Variants in SELENOF observed in about 807,000 individuals in gnomAD.
SELENOF encodes the protein selenoprotein F.
SELENOF carries 16 observed loss-of-function variants against 20.5 expected under a neutral mutation model. That is an observed-to-expected ratio of 0.78 (90% CI 0.53 to 1.19). The LOEUF is 1.19. SELENOF is among the 50% of genes most tolerant of loss of function. The pLI, the probability that SELENOF is intolerant of heterozygous loss-of-function variation, is 0.00. For missense variants in SELENOF, 215 were observed against 194.2 expected (o/e 1.11, Z -0.64); for synonymous variants, 78 against 74.5 (o/e 1.05, Z -0.24).
intron 3 of SELENOF, among the ~76,000 whole-genome samples, chr1:86,869,101 G>A (rs755610916): frequency 1.5e-4 from 23 of 152,230 alleles, no homozygotes; most frequent in Admixed American, 6.5e-5. Context: ...GGTTAGAGAG[G>A]GAACAGGGAC....
chr1:86,900,234 G>A (rs1346648937), intron 2 of SELENOF, among the ~76,000 whole-genome samples: 2 of 152,116 alleles, frequency 1.3e-5, no homozygotes, highest in East Asian at 1.9e-4. Flanking sequence ...GGCCAAGGCA[G>A]GCGGCTGGGA....
At chr1:86,891,281 T>G (rs1260143106) in intron 2 of SELENOF, among the ~76,000 whole-genome samples, 1 of 151,982 alleles carries the variant, frequency 6.6e-6, no homozygotes, top group Non-Finnish European at 1.5e-5. Flanking sequence ...ACTCCCGACC[T>G]CAGGTGATCT....
intron 3 of SELENOF, among the ~76,000 whole-genome samples, chr1:86,877,497 A>G (rs1658952419): frequency 6.6e-6 from 1 of 152,220 alleles, no homozygotes; most frequent in Non-Finnish European, 1.5e-5. Context: ...ATAGAATGAC[A>G]TATCTTGGGG....
At chr1:86,866,855 G>C (rs538817401) in intron 4 of SELENOF, among the ~76,000 whole-genome samples, 1 of 152,178 alleles carries the variant, frequency 6.6e-6, no homozygotes, top group South Asian at 2.1e-4. Context: ...TCACTGCTAG[G>C]GCAAATGCAA....
At chr1:86,912,329 T>C (rs1197889366) in intron 1 of SELENOF, among the ~76,000 whole-genome samples, 1 of 152,200 alleles carries the variant, frequency 6.6e-6, no homozygotes, top group East Asian at 1.9e-4. Flanking sequence ...AATTTCTAGT[T>C]TGGATTCTGT....
chr1:86,885,568 A>G (rs1216330071), intron 2 of SELENOF, among the ~76,000 whole-genome samples: 1 of 152,218 alleles, frequency 6.6e-6, no homozygotes, highest in Non-Finnish European at 1.5e-5. Flanking sequence ...TGTCCAAGTC[A>G]GAAATACTCT....
chr1:86,905,584 A>G (rs1659808221), intron 1 of SELENOF, among the ~76,000 whole-genome samples: 1 of 152,144 alleles, frequency 6.6e-6, no homozygotes, highest in Non-Finnish European at 1.5e-5. Context: ...CTGACTCCTC[A>G]ACAATACTAT....
Position 86,907,997 on chromosome 1 carries a change from AC to A in SELENOF, c.85-4550del, listed in dbSNP as rs1446177700. ...GTGAATCGCCATCTCAAAAAAAAAA[AC>A]AAAAAAAAAAACCAAGGCTCTATTC... On this transcript the variant is annotated intron_variant, in intron 1 of 4. Coordinates refer to ENST00000331835, the MANE Select transcript of SELENOF (RefSeq NM_004261.5). Among the ~76,000 whole-genome samples, 1,354 of 141,868 alleles carry A rather than the reference AC, an allele frequency of 9.5e-3. 22 individuals are homozygous for A. Among genetic ancestry groups the A allele is most frequent in the African/African-American group, 0.038 (1,310 of 34,830 alleles). 93.1% of individuals were successfully genotyped at this position (141,868 alleles called of 152,430 possible). A position where few individuals can be genotyped will look rare whatever the true frequency, so the allele number is the denominator to read the frequency against.
chr1:86,912,876 G>C (rs1356702967), intron 1 of SELENOF, among the ~76,000 whole-genome samples: 1 of 152,000 alleles, frequency 6.6e-6, no homozygotes, highest in African/African-American at 2.4e-5. Context: ...CGGTTACACA[G>C]CTATAGACAA....
intron 2 of SELENOF, among the ~76,000 whole-genome samples, chr1:86,888,179 G>A (rs888120437): frequency 6.6e-6 from 1 of 151,808 alleles, no homozygotes; most frequent in Non-Finnish European, 1.5e-5. Flanking sequence ...AGAATCACTT[G>A]GACCTGGGAG....
At chr1:86,897,304 G>A (rs554145754) in intron 2 of SELENOF, among the ~76,000 whole-genome samples, 2 of 152,086 alleles carry the variant, frequency 1.3e-5, no homozygotes, top group South Asian at 4.1e-4. Flanking sequence ...GGGAGGGGTG[G>A]AAAAAAATCC....
At chr1:86,865,313 A>T (rs1658564751) in intron 4 of SELENOF, among the ~76,000 whole-genome samples, 1 of 152,230 alleles carries the variant, frequency 6.6e-6, no homozygotes, top group Admixed American at 6.5e-5. Context: ...ACTTCAGTGC[A>T]TCAAATGAAA....
At chr1:86,874,307 A>G (rs544588929) in intron 3 of SELENOF, among the ~76,000 whole-genome samples, 174 of 152,300 alleles carry the variant, frequency 1.1e-3, no homozygotes, top group African/African-American at 4.0e-3. Context: ...CAATCACTCT[A>G]ATTTCCAGAA....
chr1:86,900,108 G>A (rs1659651921), intron 2 of SELENOF, among the ~76,000 whole-genome samples: 1 of 151,380 alleles, frequency 6.6e-6, no homozygotes, highest in African/African-American at 2.4e-5. Context: ...TCCAGACTGG[G>A]CAGCCAGGCA....
At chr1:86,883,466 G>C (rs1659131018) in intron 2 of SELENOF, among the ~76,000 whole-genome samples, 1 of 151,484 alleles carries the variant, frequency 6.6e-6, no homozygotes, top group South Asian at 2.2e-4. Flanking sequence ...ATAGTGTATA[G>C]TGTATGTACA....
intron 3 of SELENOF, among the ~76,000 whole-genome samples, chr1:86,869,527 TC>T (rs989567682): frequency 3.3e-5 from 5 of 152,274 alleles, no homozygotes; most frequent in Non-Finnish European, 7.4e-5. Context: ...ATAAAGTGGT[TC>T]AAAAAATGTT....
chr1:86,864,697 C>T (rs981320082), intron 4 of SELENOF, among the ~76,000 whole-genome samples: 11 of 149,780 alleles, frequency 7.3e-5, no homozygotes, highest in Non-Finnish European at 1.3e-4. Context: ...AGTGCAATGG[C>T]GTGATCTCGG....
At chr1:86,898,420 T>G (rs547653911) in intron 2 of SELENOF, among the ~76,000 whole-genome samples, 2 of 152,286 alleles carry the variant, frequency 1.3e-5, no homozygotes, top group African/African-American at 4.8e-5. Context: ...AAATTCAGTT[T>G]GTTGAAAAAG....
At position 86,892,967 on chromosome 1, in the gene SELENOF, TCTTA is replaced by T. The variant is rs370624443; in HGVS notation, c.252+10310_252+10313del. On this transcript the variant is annotated intron_variant, in intron 2 of 4. Transcript: ENST00000331835. ...CTTCTTAAAGTAACTCCGAAGCAGG[TCTTA>T]CTATTAACATTTTCAAAATAAAAGG... is the stretch of plus-strand genomic sequence containing the variant. Among the ~76,000 whole-genome samples, 487 of 152,326 alleles carry T rather than the reference TCTTA, an allele frequency of 3.2e-3. 4 individuals are homozygous for T. Among genetic ancestry groups the T allele is most frequent in the South Asian group, 0.029 (138 of 4,830 alleles).
Sources: allele counts gnomAD v4.1 joint callset (sites outside exome capture counted in the v4.1 genomes callset), GRCh38; gene constraint gnomAD v4.1.1; transcripts MANE v1.5; gene names NCBI Gene and HGNC (gene_info 2026-07-23, HGNC 2026-07-21).